MACF1: variants seen among roughly 807,000 people sequenced by gnomAD.
The protein encoded by MACF1 is microtubule-actin cross-linking factor 1.
A neutral mutation model predicts 854.8 loss-of-function variants in MACF1; 193 were observed. The ratio of observed to expected loss-of-function variants is 0.23; its 90% confidence interval spans 0.20 to 0.25. MACF1 has a LOEUF of 0.25. Ranked by LOEUF, MACF1 falls within the 10% of genes least tolerant of loss-of-function variation. The probability of loss-of-function intolerance (pLI) is 1.00; values close to 1 mark genes in which losing one functional copy is unlikely to be tolerated. For synonymous variants in MACF1, 3,185 were observed against 3,226.7 expected (o/e 0.99, Z 0.44); for missense variants, 7,722 against 8,929.1 (o/e 0.86, Z 5.45).
chr1:39,303,043 C>G lies in MACF1; in HGVS notation c.2754C>G (p.Pro918=), dbSNP rs139266313. ...AMVPSVCFLI[P]PPNKDAIEMA... ...TGCCGTCAGTCTGCTTCCTCATCCC[C>G]CCACCCAATAAGGATGCCATTGAGA... The change falls in exon 23 of 101, where the codon CCC becomes CCG. Residue 918 remains proline (P), a synonymous_variant. Coordinates refer to ENST00000564288, the MANE Select transcript of MACF1 (RefSeq NM_001394062.1). 120 of 1,614,146 alleles carry G rather than the reference C, an allele frequency of 7.4e-5. No individual in the cohort carries two copies. In the African/African-American group the frequency reaches 1.4e-3, roughly 19 times the overall value.
At chr1:39,432,727 C>G in intron 67 of MACF1, 73 bp downstream of exon 67, 1 of 1,433,748 alleles carries the variant, frequency 7.0e-7, no homozygotes, top group Non-Finnish European at 9.4e-7. Context: ...TTCTGACTAT[C>G]CCATGTCAAG....
chr1:39,325,482 T>C (rs759673499), intron 35 of MACF1, among the ~76,000 whole-genome samples: 2 of 152,184 alleles, frequency 1.3e-5, no homozygotes, highest in Admixed American at 1.3e-4. Flanking sequence ...AAAAATATAA[T>C]AGAGTCAATA....
At chr1:39,449,254 T>G (rs972273792) in intron 84 of MACF1, among the ~76,000 whole-genome samples, 1 of 152,230 alleles carries the variant, frequency 6.6e-6, no homozygotes, top group Non-Finnish European at 1.5e-5. Context: ...AAAGAGGTTC[T>G]TAACTCCCCT....
intron 58 of MACF1, among the ~76,000 whole-genome samples, chr1:39,393,190 A>ATAT (rs1427429683): frequency 3.5e-4 from 30 of 86,648 alleles, no homozygotes; most frequent in African/African-American, 1.8e-3. Context: ...GTAAAAAAAA[A>ATAT]AAAAAAATAT....
chr1:39,459,312 T>C, intron 91 of MACF1, 63 bp downstream of exon 91: 1 of 1,505,760 alleles, frequency 6.6e-7, no homozygotes, highest in South Asian at 1.3e-5. Flanking sequence ...AACACAGCCC[T>C]TCTGAGGCTC....
chr1:39,225,518 A>G (rs942449877), intron 1 of MACF1, among the ~76,000 whole-genome samples: 14 of 152,182 alleles, frequency 9.2e-5, no homozygotes, highest in African/African-American at 3.4e-4. Flanking sequence ...GCCCGGCCAT[A>G]GCAAATTTTT....
At chr1:39,292,712 G>A (rs1288980150) in intron 16 of MACF1, 54 bp from the exon 17 acceptor site, 27 of 1,253,608 alleles carry the variant, frequency 2.2e-5, no homozygotes, top group Middle Eastern at 1.9e-4. Flanking sequence ...ACCATAACAC[G>A]TAGTTTACTT....
intron 95 of MACF1, among the ~76,000 whole-genome samples, chr1:39,466,811 G>A (rs1019906365): frequency 3.3e-5 from 5 of 152,180 alleles, no homozygotes; most frequent in African/African-American, 9.7e-5. Flanking sequence ...CAGTCACTTT[G>A]TATAAACATG....
chr1:39,275,223 C>T (rs545101307), intron 6 of MACF1, among the ~76,000 whole-genome samples: 19 of 151,924 alleles, frequency 1.3e-4, no homozygotes, highest in Non-Finnish European at 2.4e-4. Flanking sequence ...GGACTACAGG[C>T]GCCCGCCGCC....
intron 15 of MACF1, among the ~76,000 whole-genome samples, chr1:39,289,500 G>T (rs939332547): frequency 6.6e-6 from 1 of 152,008 alleles, no homozygotes; most frequent in Non-Finnish European, 1.5e-5. Flanking sequence ...GTGACGTTGA[G>T]CACCTTTTCA....
At chr1:39,410,946 CCCT>C (rs759006139) in intron 58 of MACF1, 3 of 1,613,986 alleles carry the variant, frequency 1.9e-6, no homozygotes, top group Non-Finnish European at 2.5e-6. Flanking sequence ...ACAGTGCAAA[CCCT>C]CCTCATGAAT....
intron 58 of MACF1, chr1:39,414,607 G>C (rs190039579): frequency 7.2e-7 from 1 of 1,388,846 alleles, no homozygotes; most frequent in African/African-American, 1.4e-5. Flanking sequence ...CTTATAGTTT[G>C]TAGTCTTTCT....
intron 58 of MACF1, among the ~76,000 whole-genome samples, chr1:39,402,487 G>T (rs1371063420): frequency 2.0e-5 from 3 of 152,176 alleles, no homozygotes; most frequent in Non-Finnish European, 4.4e-5. Context: ...TGGATGAAAA[G>T]AAGAGAATCA....
intron 16 of MACF1, among the ~76,000 whole-genome samples, chr1:39,292,384 G>A (rs576531983): frequency 2.6e-5 from 4 of 152,142 alleles, no homozygotes; most frequent in Admixed American, 6.5e-5. Flanking sequence ...GCAGTTGAGC[G>A]CTGGTTTAGA....
At chr1:39,416,154 G>A (rs905612484) in intron 58 of MACF1, among the ~76,000 whole-genome samples, 1 of 152,186 alleles carries the variant, frequency 6.6e-6, no homozygotes, top group Non-Finnish European at 1.5e-5. Context: ...GCCTTGCTGA[G>A]TGGTGGTGGT....
intron 3 of MACF1, among the ~76,000 whole-genome samples, chr1:39,251,183 C>A (rs970107784): frequency 2.0e-5 from 3 of 150,588 alleles, no homozygotes; most frequent in African/African-American, 4.9e-5. Context: ...TTTTTTTTTG[C>A]CTTGCAATAG....
Position 39,318,606 on chromosome 1 carries a change from C to G in MACF1, c.3936C>G (p.Ser1312Arg). ...GCAGAGTGCTTTCGGAGCAGCTCAG[C>G]CAGCAGACGGTGAGTGTGGTAGTAG... ...EDSRVLSEQL[S>R]QQTALFAEIE... Residue 1312 changes from serine (S) to arginine (R), a missense_variant, in exon 30 of 101, where the codon AGC becomes AGG. Around this residue, in one of 15 missense-constraint regions of MACF1, gnomAD observed 1,137 missense variants for 1,263.0 expected, o/e 0.90. Coordinates refer to ENST00000564288, the MANE Select transcript of MACF1 (RefSeq NM_001394062.1). The G allele has an allele frequency of 6.2e-7, 1 of 1,609,926 alleles. No individual in the cohort carries two copies. Among genetic ancestry groups the G allele is most frequent in the Non-Finnish European group, 8.5e-7 (1 of 1,178,084 alleles).
At chr1:39,096,732 T>C (rs1641947088) in intron 2 of MACF1, among the ~76,000 whole-genome samples, 1 of 152,074 alleles carries the variant, frequency 6.6e-6, no homozygotes, top group Admixed American at 6.6e-5. Context: ...TCAAACTCCT[T>C]TACTTCCCTC....
Position 39,484,617 on chromosome 1 carries a change from G to A in MACF1, c.22298G>A (p.Gly7433Asp). 6.2e-7 allele frequency: 1 copy of A among 1,613,616 alleles called. No individual in the cohort carries two copies. The highest frequency in any genetic ancestry group is 8.5e-7 in the Non-Finnish European group (1 of 1,179,772). Residue 7433 changes from glycine (G) to aspartate (D), a missense_variant, in exon 100 of 101, where the codon GGT becomes GAT. Physicochemically the swap from Gly to Asp is moderately conservative, Grantham distance 94. Transcript: ENST00000564288. ...LPTPEVIPSS[G>D]SKLKRPTPTF... ...TTTTTTAAGGTTATCCCATCATCAGGTAGCAAGTTGAAACGACCAACACCA... is the reference window on the plus strand; with the variant it reads ...TTTTTTAAGGTTATCCCATCATCAGATAGCAAGTTGAAACGACCAACACCA...
Sources: allele counts gnomAD v4.1 joint callset (sites outside exome capture counted in the v4.1 genomes callset), GRCh38; gene constraint gnomAD v4.1.1; regional missense constraint gnomAD v4.1.1; transcripts MANE v1.5; gene names NCBI Gene and HGNC (gene_info 2026-07-23, HGNC 2026-07-21).